The following STK32C variants were observed in gnomAD, a reference collection of about 807,000 sequenced individuals.
STK32C encodes serine/threonine kinase 32C.
STK32C carries 31 observed loss-of-function variants against 56.5 expected under a neutral mutation model. That is an observed-to-expected ratio of 0.55 (90% CI 0.41 to 0.74). The LOEUF (loss-of-function observed/expected upper bound fraction) is 0.74, where lower values mean the gene tolerates loss of function less well. STK32C is among the 30% of genes least tolerant of loss of function. STK32C has a pLI of 0.00. For synonymous variants in STK32C, 309 were observed against 289.4 expected (o/e 1.07, Z -0.69); for missense variants, 544 against 676.9 (o/e 0.80, Z 2.18).
intron 1 of STK32C, among the ~76,000 whole-genome samples, chr10:132,269,060 C>CATGCATGTGT (rs1304005303): frequency 2.0e-5 from 3 of 151,534 alleles, no homozygotes; most frequent in Non-Finnish European, 2.9e-5. Flanking sequence ...TCGGTGTGTG[C>CATGCATGTGT]ATGCATGTGT....
At chr10:132,311,442 C>T (rs987433823), upstream of STK32C, among the ~76,000 whole-genome samples, 5 of 152,220 alleles carry the variant, frequency 3.3e-5, no homozygotes, top group African/African-American at 1.2e-4. This position sits in a 1 kb window ranked among gnomAD's most constrained non-coding sequence, Gnocchi z 4.4. Flanking sequence ...TCAGCCCTGG[C>T]GGGGCCTGGG....
intron 1 of STK32C, among the ~76,000 whole-genome samples, chr10:132,284,123 C>T (rs979917952): frequency 3.3e-5 from 5 of 151,970 alleles, no homozygotes; most frequent in Non-Finnish European, 5.9e-5. Context: ...GCACGTGGAC[C>T]ACAGGAGGAT....
chr10:132,323,218 A>C (rs1258404936), downstream of STK32C, among the ~76,000 whole-genome samples: 1 of 152,110 alleles, frequency 6.6e-6, no homozygotes, highest in Non-Finnish European at 1.5e-5. This position sits in a 1 kb window ranked among gnomAD's most constrained non-coding sequence, Gnocchi z 4.8. Context: ...TTTTCCACCA[A>C]ATCAATTTCT....
chr10:132,252,578 G>T (rs2063947128), intron 1 of STK32C, among the ~76,000 whole-genome samples: 1 of 152,226 alleles, frequency 6.6e-6, no homozygotes, highest in Non-Finnish European at 1.5e-5. Flanking sequence ...CTCCTTCCCA[G>T]GAACCAGGAC....
chr10:132,208,802 G>A (rs188691757), intron 11 of STK32C, among the ~76,000 whole-genome samples: 1 of 152,150 alleles, frequency 6.6e-6, no homozygotes. Flanking sequence ...CAAATGATGT[G>A]TCTCTCCCCA....
chr10:132,282,407 C>A (rs540657801), intron 1 of STK32C, among the ~76,000 whole-genome samples: 1 of 152,126 alleles, frequency 6.6e-6, no homozygotes, highest in African/African-American at 2.4e-5. Flanking sequence ...CAGTGCCAGG[C>A]GTCAGCTACC....
At chr10:132,293,277 C>T (rs1329253666) in intron 1 of STK32C, among the ~76,000 whole-genome samples, 1 of 152,252 alleles carries the variant, frequency 6.6e-6, no homozygotes, top group Non-Finnish European at 1.5e-5. Flanking sequence ...GCGGGCTCCC[C>T]TCCTGGCTCT....
chr10:132,302,508 G>T (rs548101879), intron 1 of STK32C, among the ~76,000 whole-genome samples: 6 of 152,278 alleles, frequency 3.9e-5, no homozygotes, highest in African/African-American at 1.4e-4. Flanking sequence ...ATGTGACGGG[G>T]TGCCCGGCAG....
chr10:132,208,677 C>T (rs1221502547), intron 11 of STK32C, among the ~76,000 whole-genome samples: 3 of 152,180 alleles, frequency 2.0e-5, no homozygotes, highest in Non-Finnish European at 2.9e-5. Context: ...CCCTTTCTGT[C>T]CCCTGGGGCC....
In STK32C at chr10:132,211,589, C is replaced by T. The variant is rs187361821; in HGVS notation, c.1252-2488G>A. ...TCCCTTCCCAAGGTGTGTGTAGCGCCGCCAGCAGTACCCCATGGCAGGGTC... is the reference window on the plus strand; with the variant it reads ...TCCCTTCCCAAGGTGTGTGTAGCGCTGCCAGCAGTACCCCATGGCAGGGTC... On this transcript the variant is annotated intron_variant, in intron 10 of 11. Transcript: ENST00000298630. Among the ~76,000 whole-genome samples the T allele has an allele frequency of 1.9e-4, 29 of 152,324 alleles. No homozygotes were observed. In the East Asian group the frequency reaches 4.6e-3, roughly 24 times the overall value.
At chr10:132,251,407 A>T (rs2063900435) in intron 1 of STK32C, among the ~76,000 whole-genome samples, 1 of 152,140 alleles carries the variant, frequency 6.6e-6, no homozygotes, top group Non-Finnish European at 1.5e-5. Flanking sequence ...GGTTGGGGTC[A>T]TGTCACTTGA....
intron 1 of STK32C, among the ~76,000 whole-genome samples, chr10:132,268,649 G>C (rs1365623791): frequency 6.6e-6 from 1 of 151,142 alleles, no homozygotes; most frequent in Admixed American, 6.6e-5. Flanking sequence ...GTGTCGGTGT[G>C]TGTGCATGCA....
rs183568429 is a variant in STK32C at position 132,240,402 on chromosome 10, C to G, written c.318+5498G>C. Among the ~76,000 whole-genome samples the G allele has an allele frequency of 4.6e-5, 7 of 152,356 alleles. No individual in the cohort carries two copies. The East Asian group carries it at 9.6e-4, about 21-fold the overall frequency. On this transcript the variant is annotated intron_variant, in intron 2 of 11. Transcript: ENST00000298630. Reference sequence around the variant, plus strand: ...CGGGTTGCCATAGCGACCACAGGCACTGTCTTCTCGCTGAGACGGCACAGG... The same window carrying G: ...CGGGTTGCCATAGCGACCACAGGCAGTGTCTTCTCGCTGAGACGGCACAGG...
intron 1 of STK32C, among the ~76,000 whole-genome samples, chr10:132,331,200 CAAAAAAAAAAAA>C (rs35734065): frequency 5.3e-5 from 3 of 56,332 alleles, no homozygotes; most frequent in Admixed American, 2.4e-4. Flanking sequence ...GACTCCACCT[CAAAAAAAAAAAA>C]AAAAAAAAAA....
At chr10:132,208,430 G>A (rs2062174050) in intron 11 of STK32C, among the ~76,000 whole-genome samples, 1 of 152,226 alleles carries the variant, frequency 6.6e-6, no homozygotes, top group Non-Finnish European at 1.5e-5. Context: ...ACTTGGGAAT[G>A]AGGCTCGGCT....
chr10:132,220,954 A>AG (rs1491142196), intron 10 of STK32C, among the ~76,000 whole-genome samples: 1 of 152,218 alleles, frequency 6.6e-6, no homozygotes, highest in Non-Finnish European at 1.5e-5. Context: ...TTATCAAGAC[A>AG]GGGGAGCTGC....
intron 1 of STK32C, among the ~76,000 whole-genome samples, chr10:132,250,621 G>C (rs1452740649): frequency 2.0e-5 from 3 of 150,504 alleles, no homozygotes. Context: ...CCCGAGGCAG[G>C]TGGGTGTGAG....
At chr10:132,331,828 C>G in exon 1 of STK32C, 1 of 1,542,294 alleles carries the variant, frequency 6.5e-7, no homozygotes, top group Middle Eastern at 1.9e-4. Context: ...CCCTTCAAGG[C>G]CGCGGGCGCG....
At chr10:132,302,902 G>C (rs576020308) in intron 1 of STK32C, among the ~76,000 whole-genome samples, 1 of 152,212 alleles carries the variant, frequency 6.6e-6, no homozygotes, top group Non-Finnish European at 1.5e-5. Context: ...GGGGCCACTA[G>C]AGTCACTCCA....
Sources: gnomAD v4.1 joint callset for allele counts (sites outside exome capture counted in the v4.1 genomes callset) on GRCh38, gnomAD v4.1.1 for gene constraint, Gnocchi (gnomAD v3.1) non-coding constraint, MANE v1.5 for transcripts, NCBI Gene and HGNC (gene_info 2026-07-23, HGNC 2026-07-21) for gene names.